ZNF429: variants seen among roughly 807,000 people sequenced by gnomAD.
The protein encoded by ZNF429 is zinc finger protein 429.
Under a neutral mutation model 56.8 loss-of-function variants are expected in ZNF429, and 53 were observed. The ratio of observed to expected loss-of-function variants is 0.93; its 90% confidence interval spans 0.75 to 1.17. ZNF429 has a LOEUF of 1.17. ZNF429 is among the 50% of genes most tolerant of loss of function. The probability of loss-of-function intolerance (pLI) is 0.00; values close to 1 mark genes in which losing one functional copy is unlikely to be tolerated. For missense variants in ZNF429, 849 were observed against 788.4 expected (o/e 1.08, Z -0.92); for synonymous variants, 278 against 264.7 (o/e 1.05, Z -0.49).
intron 1 of ZNF429, among the ~76,000 whole-genome samples, chr19:21,511,584 C>G (rs1055708924): frequency 1.3e-5 from 2 of 151,494 alleles, no homozygotes; most frequent in Non-Finnish European, 2.9e-5. Context: ...ACGCTCCTCA[C>G]TTTCCAGACT....
At chr19:21,529,025 T>C (rs2033272510) in intron 1 of ZNF429, 1 of 152,206 alleles carries the variant, frequency 6.6e-6, no homozygotes, top group Non-Finnish European at 1.5e-5. Flanking sequence ...CCTTCTTCCT[T>C]AGGTTTTCTT....
At position 21,516,793 on chromosome 19, in the gene ZNF429, G is replaced by A. The variant is rs527733804; in HGVS notation, c.3+11019G>A. Among the ~76,000 whole-genome samples, 18 of 152,224 alleles carry A rather than the reference G, an allele frequency of 1.2e-4. No homozygotes were observed. The South Asian group carries it at 3.5e-3, about 30-fold the overall frequency. On this transcript the variant is annotated intron_variant, in intron 1 of 3. Transcript: ENST00000358491. ...CTGCTGATTTTTGTACATGTATTTT[G>A]TATCCTGAAACTTTGCTGAAGTTGT... is the stretch of plus-strand genomic sequence containing the variant.
At position 21,514,601 on chromosome 19, in the gene ZNF429, T is replaced by C. The variant is rs1292857146; in HGVS notation, c.3+8827T>C. On this transcript the variant is annotated intron_variant, in intron 1 of 3. Coordinates refer to ENST00000358491, the MANE Select transcript of ZNF429 (RefSeq NM_001001415.4). ...CACACACACACACATATATATATTT[T>C]TTTATTTTATTTTTGAGATAGAGTC... is the stretch of plus-strand genomic sequence containing the variant. 2.6e-5 allele frequency among the ~76,000 whole-genome samples: 4 copies of C among 152,058 alleles called. No individual in the cohort carries two copies. The East Asian group carries it at 7.7e-4, about 29-fold the overall frequency.
intron 1 of ZNF429, among the ~76,000 whole-genome samples, chr19:21,525,379 A>T (rs2033126222): frequency 6.6e-6 from 1 of 152,288 alleles, no homozygotes; most frequent in African/African-American, 2.4e-5. Flanking sequence ...TTCTTAGGTA[A>T]GTCTAGGAAA....
At position 21,512,317 on chromosome 19, in the gene ZNF429, T is replaced by TTTA. The variant is rs1177529280; in HGVS notation, c.3+6545_3+6547dup. Among the ~76,000 whole-genome samples the TTTA allele has an allele frequency of 1.2e-4, 18 of 152,122 alleles. No homozygotes were observed. In the South Asian group the frequency reaches 3.7e-3, roughly 32 times the overall value. On this transcript the variant is annotated intron_variant, in intron 1 of 3. Coordinates refer to ENST00000358491, the MANE Select transcript of ZNF429 (RefSeq NM_001001415.4). ...AGCTGGCTCCTTTACTGCCGTCTGT[T>TTTA]TTATCAGCAAGGTCTTTATGACCTG...
chr19:21,536,174 T>C, intron 3 of ZNF429, 106 bp from the exon 4 acceptor site: 1 of 1,159,546 alleles, frequency 8.6e-7, no homozygotes, highest in Non-Finnish European at 1.2e-6. Flanking sequence ...TATTTTGCTA[T>C]GCTGTGTTGC....
At position 21,538,377 on chromosome 19, in the gene ZNF429, G is replaced by A. The variant is rs1377798901; in HGVS notation, c.*299G>A. 2.6e-5 allele frequency among the ~76,000 whole-genome samples: 4 copies of A among 151,760 alleles called. No individual in the cohort carries two copies. In the East Asian group the frequency reaches 7.7e-4, roughly 29 times the overall value. ...AGCACTTTGGGAGGCCGAGGCGGGT[G>A]GATCACGAGGTCAGGAGTTCAAGAC... On this transcript the variant is annotated 3_prime_UTR_variant, in exon 4 of 4. Transcript: ENST00000358491.
At chr19:21,512,962 C>G (rs1376340491) in intron 1 of ZNF429, among the ~76,000 whole-genome samples, 1 of 151,538 alleles carries the variant, frequency 6.6e-6, no homozygotes, top group South Asian at 2.1e-4. Context: ...AGCTCCGCCT[C>G]CTGGGTTCAC....
At chr19:21,506,901 T>G (rs2032201163) in intron 1 of ZNF429, among the ~76,000 whole-genome samples, 1 of 151,626 alleles carries the variant, frequency 6.6e-6, no homozygotes, top group African/African-American at 2.4e-5. Flanking sequence ...CCTGAGTAGC[T>G]GGGATTATAG....
At chr19:21,515,891 G>A (rs751704161) in intron 1 of ZNF429, among the ~76,000 whole-genome samples, 11 of 152,126 alleles carry the variant, frequency 7.2e-5, no homozygotes, top group South Asian at 6.2e-4. Flanking sequence ...TCAGATGGTC[G>A]TAGGTGTGCA....
At chr19:21,514,456 T>G (rs1184899973) in intron 1 of ZNF429, among the ~76,000 whole-genome samples, 1 of 152,100 alleles carries the variant, frequency 6.6e-6, no homozygotes, top group Non-Finnish European at 1.5e-5. Context: ...CTGCATTAGT[T>G]TTCTGAGGAT....
intron 3 of ZNF429, among the ~76,000 whole-genome samples, chr19:21,531,162 GCC>G: frequency 6.7e-6 from 1 of 148,352 alleles, no homozygotes; most frequent in Non-Finnish European, 1.5e-5. Flanking sequence ...CTTGGTGACT[GCC>G]CTACAGAGCA....
intron 3 of ZNF429, among the ~76,000 whole-genome samples, chr19:21,535,332 T>TTTCTTTCTTTCTTTCTTTCTTTCTTTCTC: frequency 1.1e-5 from 1 of 93,492 alleles, no homozygotes; most frequent in East Asian, 2.4e-4. Context: ...TCTTTCTCTT[T>TTTCTTTCTTTCTTTCTTTCTTTCTTTCTC]TCTTTTCTTT....
chr19:21,508,290 C>T (rs1159833513), intron 1 of ZNF429, among the ~76,000 whole-genome samples: 5 of 151,178 alleles, frequency 3.3e-5, no homozygotes, highest in African/African-American at 9.7e-5. Flanking sequence ...GAAACCCTGA[C>T]CCCGGTGAGA....
chr19:21,515,486 G>A (rs2032696924), intron 1 of ZNF429, among the ~76,000 whole-genome samples: 1 of 151,798 alleles, frequency 6.6e-6, no homozygotes, highest in African/African-American at 2.4e-5. Flanking sequence ...CTGGATATTA[G>A]ACCTTTGTCA....
chr19:21,515,240 C>CTTTTTTTTT (rs35926199), intron 1 of ZNF429, among the ~76,000 whole-genome samples: 3 of 128,132 alleles, frequency 2.3e-5, no homozygotes, highest in African/African-American at 2.9e-5. Flanking sequence ...TGTGCCTGGC[C>CTTTTTTTTT]TTTTTTTTTT....
intron 1 of ZNF429, among the ~76,000 whole-genome samples, chr19:21,511,714 G>A (rs565302286): frequency 6.3e-4 from 96 of 151,972 alleles, no homozygotes; most frequent in Non-Finnish European, 1.2e-3. Context: ...ACTTTGGGAG[G>A]CCAAGGCAGG....
intron 3 of ZNF429, among the ~76,000 whole-genome samples, chr19:21,535,296 C>CTTCCTTCTTTCT: frequency 2.1e-4 from 17 of 82,634 alleles, no homozygotes; most frequent in African/African-American, 8.2e-4. Context: ...CATTTCTTTC[C>CTTCCTTCTTTCT]TTCTTTCTTT....
intron 1 of ZNF429, among the ~76,000 whole-genome samples, chr19:21,522,168 T>C (rs2033007517): frequency 6.6e-6 from 1 of 152,198 alleles, no homozygotes; most frequent in South Asian, 2.1e-4. Context: ...AGAGCCTACC[T>C]TCAGCAGCCA....
Sources: gnomAD v4.1 joint callset for allele counts (sites outside exome capture counted in the v4.1 genomes callset) on GRCh38, gnomAD v4.1.1 for gene constraint, MANE v1.5 for transcripts, NCBI Gene and HGNC (gene_info 2026-07-23, HGNC 2026-07-21) for gene names.